VPS33B: variants seen among roughly 807,000 people sequenced by gnomAD.
VPS33B encodes the protein VPS33B late endosome and lysosome associated.
Under a neutral mutation model 95.3 loss-of-function variants are expected in VPS33B, and 80 were observed. The ratio of observed to expected loss-of-function variants is 0.84; its 90% CI spans 0.70 to 1.01. The LOEUF (loss-of-function observed/expected upper bound fraction) is 1.01, where lower values mean the gene tolerates loss of function less well. Ranked by LOEUF, VPS33B falls within the 50% of genes least tolerant of loss-of-function variation. The probability of loss-of-function intolerance (pLI) is 0.00; values close to 1 mark genes in which losing one functional copy is unlikely to be tolerated. For missense variants in VPS33B, 715 were observed against 773.4 expected (o/e 0.92, Z 0.90); for synonymous variants, 280 against 280.4 (o/e 1.00, Z 0.01).
intron 19 of VPS33B, chr15:91,001,138 A>G: frequency 2.4e-6 from 1 of 414,196 alleles, no homozygotes; most frequent in Non-Finnish European, 4.5e-6. Flanking sequence ...CAACATGGGG[A>G]AACCTTGTCT....
rs2040342924 is a variant in VPS33B at position 90,998,692 on chromosome 15, C to T, written c.*283G>A. 2.0e-6 allele frequency: 1 copy of T among 499,806 alleles called. No homozygotes were observed. 31.0% of individuals were successfully genotyped at this position (499,806 alleles called of 1,614,324 possible). A position where few individuals can be genotyped will look rare whatever the true frequency, so the allele number is the denominator to read the frequency against. On this transcript the variant is annotated 3_prime_UTR_variant, in exon 23 of 23. Transcript: ENST00000333371. This position sits in a 1 kb window ranked among gnomAD's most constrained non-coding sequence, Gnocchi z 4.8. ...AACGTATTACATCTGAGAGCAGAGG[C>T]TTTATTTACAATGACATTCAAACAG...
In VPS33B at chr15:91,016,709, C is replaced by T. The variant is rs540443828; in HGVS notation, c.239+254G>A. On this transcript the variant is annotated intron_variant, in intron 3 of 22. Transcript: ENST00000333371. ...GCCTTGCAGGTTCTTGAGAAAAGCA[C>T]GATGAAAATAATTTTGAAAGATTAG... 7.9e-5 allele frequency among the ~76,000 whole-genome samples: 12 copies of T among 151,896 alleles called. No homozygotes were observed. In the East Asian group the frequency reaches 9.7e-4, roughly 12 times the overall value.
Position 91,006,310 on chromosome 15 carries a change from G to C in VPS33B, c.852+62C>G, listed in dbSNP as rs139639261. On this transcript the variant is annotated intron_variant, in intron 11 of 22. Coordinates refer to ENST00000333371, the MANE Select transcript of VPS33B (RefSeq NM_018668.5). The surrounding 1 kb of genome is among the most constrained non-coding windows in gnomAD (Gnocchi z 5.4). ...GCCCACAGCCTGGTATAAGCAGGGG[G>C]CCCACAGCCTGGTATAAGCAGTGGC... is the stretch of plus-strand genomic sequence containing the variant. The C allele has an allele frequency of 3.4e-6, 4 of 1,160,614 alleles. No individual in the cohort carries two copies. The highest frequency in any genetic ancestry group is 4.6e-6 in the Non-Finnish European group (4 of 877,282). The allele number at this position is 1,160,614 out of a possible 1,614,324, so 71.9% of individuals were successfully genotyped here.
In VPS33B at chr15:91,015,927, T is replaced by G. The variant is rs1213607282; in HGVS notation, c.239+1036A>C. 6.6e-6 allele frequency among the ~76,000 whole-genome samples: 1 copy of G among 152,164 alleles called. No homozygotes were observed. Among genetic ancestry groups the G allele is most frequent in the Non-Finnish European group, 1.5e-5 (1 of 68,024 alleles). On this transcript the variant is annotated intron_variant, in intron 3 of 22. Coordinates refer to ENST00000333371, the MANE Select transcript of VPS33B (RefSeq NM_018668.5). The surrounding 1 kb of genome is among the most constrained non-coding windows in gnomAD (Gnocchi z 4.7). ...GGTACATGGATATATTCTCCATGTA[T>G]CCAGGAGAATTTTTTCTTCTAAGAA...
Position 91,002,052 on chromosome 15 carries a change from G to C in VPS33B, c.1403C>G (p.Ala468Gly), listed in dbSNP as rs2040453826. The C allele has an allele frequency of 1.2e-6, 2 of 1,613,762 alleles. No homozygotes were observed. The highest frequency in any genetic ancestry group is 1.7e-4 in the Middle Eastern group (1 of 5,866). Residue 468 changes from alanine to glycine, a missense_variant and splice_region_variant, in exon 18 of 23, where the codon GCA becomes GGA. Coordinates refer to ENST00000333371, the MANE Select transcript of VPS33B (RefSeq NM_018668.5). This position sits in a 1 kb window ranked among gnomAD's most constrained non-coding sequence, Gnocchi z 4.7. ...KVSKLVTDKA[A>G]GKITDAFSSL... ...GGTCACTTGTGCTCCCTGCTTACCTGCAGCCTTGTCGGTCACCAGCTTGCT... is the reference window on the plus strand; with the variant it reads ...GGTCACTTGTGCTCCCTGCTTACCTCCAGCCTTGTCGGTCACCAGCTTGCT...
Position 91,009,285 on chromosome 15 carries a change from A to C in VPS33B, c.403+516T>G, listed in dbSNP as rs1011834012. Among the ~76,000 whole-genome samples, 3 of 129,322 alleles carry C rather than the reference A, an allele frequency of 2.3e-5. No homozygotes were observed. The highest frequency in any genetic ancestry group is 3.6e-5 in the African/African-American group (1 of 27,912). 84.8% of individuals were successfully genotyped at this position (129,322 alleles called of 152,430 possible). A position where few individuals can be genotyped will look rare whatever the true frequency, so the allele number is the denominator to read the frequency against. ...TCTCTCTCTTTCTCTCTTTTCTTTT[A>C]TTTTCTTTCTCTCTCTCTTTCTTTC... On this transcript the variant is annotated intron_variant, in intron 6 of 22. Transcript: ENST00000333371. This position sits in a 1 kb window ranked among gnomAD's most constrained non-coding sequence, Gnocchi z 4.1.
chr15:91,006,169 G>A lies in VPS33B; in HGVS notation c.853-110C>T. 2.9e-6 allele frequency: 4 copies of A among 1,381,140 alleles called. No homozygotes were observed. Among genetic ancestry groups the A allele is most frequent in the South Asian group, 1.2e-5 (1 of 83,706 alleles). The allele number at this position is 1,381,140 out of a possible 1,614,324, so 85.6% of individuals were successfully genotyped here. On this transcript the variant is annotated intron_variant, in intron 11 of 22. Transcript: ENST00000333371. The surrounding 1 kb of genome is among the most constrained non-coding windows in gnomAD (Gnocchi z 5.4). The stretch of plus-strand genomic sequence containing the variant: ...GTGTTCTGGCAGAAATACAAAGAAA[G>A]CTGAGCTGGGATCTGTAAGTCCATA...
In VPS33B at chr15:91,015,660, AAAAAT is replaced by A. The variant is rs947642849; in HGVS notation, c.240-1232_240-1228del. 2.6e-5 allele frequency among the ~76,000 whole-genome samples: 4 copies of A among 152,080 alleles called. No homozygotes were observed. The highest frequency in any genetic ancestry group is 2.1e-4 in the South Asian group (1 of 4,824). ...GTGACAGAGTTAGACTCCTACTCAA[AAAAAT>A]AAAATAAAATAAAACTATAGGCGGA... On this transcript the variant is annotated intron_variant, in intron 3 of 22. Transcript: ENST00000333371. The surrounding 1 kb of genome is among the most constrained non-coding windows in gnomAD (Gnocchi z 4.7).
chr15:91,017,748 C>T, intron 2 of VPS33B, 57 bp downstream of exon 2: 2 of 1,528,634 alleles, frequency 1.3e-6, no homozygotes, highest in Non-Finnish European at 1.8e-6. Context: ...TTGTATTGTT[C>T]ATCAAAAGAA....
In VPS33B at chr15:91,005,483, A is replaced by T; in HGVS notation, c.1031-29T>A. 6.2e-7 allele frequency: 1 copy of T among 1,613,436 alleles called. No individual in the cohort carries two copies. The highest frequency in any genetic ancestry group is 8.5e-7 in the Non-Finnish European group (1 of 1,179,608). ...CAGGTTGGACAAAGGGAGCTGACAT[A>T]CTCCTGGTTCTAGAAAGATGTCCCT... is the stretch of plus-strand genomic sequence containing the variant. On this transcript the variant is annotated intron_variant, in intron 13 of 22. Coordinates refer to ENST00000333371, the MANE Select transcript of VPS33B (RefSeq NM_018668.5). The surrounding 1 kb of genome is among the most constrained non-coding windows in gnomAD (Gnocchi z 6.4).
Position 91,015,902 on chromosome 15 carries a change from G to T in VPS33B, c.239+1061C>A, listed in dbSNP as rs924742381. Reference sequence around the variant, plus strand: ...TAGAAAATATTTTTTTTCAAACTGGGGTACATGGATATATTCTCCATGTAT... The same window carrying T: ...TAGAAAATATTTTTTTTCAAACTGGTGTACATGGATATATTCTCCATGTAT... On this transcript the variant is annotated intron_variant, in intron 3 of 22. Coordinates refer to ENST00000333371, the MANE Select transcript of VPS33B (RefSeq NM_018668.5). This position sits in a 1 kb window ranked among gnomAD's most constrained non-coding sequence, Gnocchi z 4.7. Among the ~76,000 whole-genome samples the T allele has an allele frequency of 6.6e-6, 1 of 151,212 alleles. No individual in the cohort carries two copies. Among genetic ancestry groups the T allele is most frequent in the Non-Finnish European group, 1.5e-5 (1 of 67,788 alleles).
intron 16 of VPS33B, among the ~76,000 whole-genome samples, chr15:91,004,299 A>C (rs1189196019): frequency 2.0e-5 from 3 of 152,164 alleles, no homozygotes; most frequent in African/African-American, 7.2e-5. Context: ...TTCAACAGTA[A>C]AAACAAGTTG....
In VPS33B at chr15:91,010,982, A is replaced by T. The variant is rs902297117; in HGVS notation, c.358-1136T>A. ...GAAGCCTGGCCCTGAAAGAAGGGGGAGCTCTGAAAGGGAAAAGAGATGAAA... is the reference window on the plus strand; with the variant it reads ...GAAGCCTGGCCCTGAAAGAAGGGGGTGCTCTGAAAGGGAAAAGAGATGAAA... On this transcript the variant is annotated intron_variant, in intron 5 of 22. Coordinates refer to ENST00000333371, the MANE Select transcript of VPS33B (RefSeq NM_018668.5). This position sits in a 1 kb window ranked among gnomAD's most constrained non-coding sequence, Gnocchi z 5.7. Among the ~76,000 whole-genome samples, 2 of 152,182 alleles carry T rather than the reference A, an allele frequency of 1.3e-5. No homozygotes were observed. The highest frequency in any genetic ancestry group is 4.8e-5 in the African/African-American group (2 of 41,438).
Position 91,013,801 on chromosome 15 carries a change from C to A in VPS33B, c.357+3G>T. 1 of 1,614,150 alleles carries A rather than the reference C, an allele frequency of 6.2e-7. No individual in the cohort carries two copies. Among genetic ancestry groups the A allele is most frequent in the African/African-American group, 1.3e-5 (1 of 75,044 alleles). ...TCCCACTTCCTCCAGGATCCAAACT[C>A]ACCTTTTGAGGGCTGAAGATCACTT... On this transcript the variant is annotated splice_donor_region_variant and intron_variant, in intron 5 of 22. Transcript: ENST00000333371. This position sits in a 1 kb window ranked among gnomAD's most constrained non-coding sequence, Gnocchi z 4.5.
At position 91,010,928 on chromosome 15, in the gene VPS33B, G is replaced by A. The variant is rs1268691254; in HGVS notation, c.358-1082C>T. 1.3e-5 allele frequency among the ~76,000 whole-genome samples: 2 copies of A among 152,212 alleles called. No individual in the cohort carries two copies. Among genetic ancestry groups the A allele is most frequent in the Non-Finnish European group, 2.9e-5 (2 of 68,046 alleles). ...CGATGAAGGTGGAGATGAGGAAGCA[G>A]AAGCAGTGACAATAGAACATTCTTC... On this transcript the variant is annotated intron_variant, in intron 5 of 22. Coordinates refer to ENST00000333371, the MANE Select transcript of VPS33B (RefSeq NM_018668.5). The surrounding 1 kb of genome is among the most constrained non-coding windows in gnomAD (Gnocchi z 5.7).
At position 91,005,644 on chromosome 15, in the gene VPS33B, C is replaced by T; in HGVS notation, c.1030+50G>A. 1 of 1,601,756 alleles carries T rather than the reference C, an allele frequency of 6.2e-7. No individual in the cohort carries two copies. The highest frequency in any genetic ancestry group is 8.6e-7 in the Non-Finnish European group (1 of 1,168,760). On this transcript the variant is annotated intron_variant, in intron 13 of 22. Coordinates refer to ENST00000333371, the MANE Select transcript of VPS33B (RefSeq NM_018668.5). This position sits in a 1 kb window ranked among gnomAD's most constrained non-coding sequence, Gnocchi z 6.4. ...GGAGTAATGGTCCTCTGGAGCTTTC[C>T]CCAGAGGGACACAGTCACTTCCCCT... is the stretch of plus-strand genomic sequence containing the variant.
chr15:91,017,387 TATATATATATATA>T (rs2040968193), intron 2 of VPS33B, among the ~76,000 whole-genome samples: 1 of 51,600 alleles, frequency 1.9e-5, no homozygotes, highest in Non-Finnish European at 3.2e-5. Context: ...TATATATATA[TATATATATATATA>T]TATATATATA....
intron 2 of VPS33B, among the ~76,000 whole-genome samples, chr15:91,017,492 A>T (rs2151684164): frequency 6.7e-6 from 1 of 149,314 alleles, no homozygotes; most frequent in South Asian, 2.1e-4. Flanking sequence ...GTGTGGTGGC[A>T]CATGCCTGTG....
Position 91,007,557 on chromosome 15 carries a change from C to T in VPS33B, c.515G>A (p.Trp172Ter). Residue 172 changes from tryptophan (W) to a stop codon, truncating the protein, a stop_gained, in exon 8 of 23, where the codon TGG becomes TAG. Coordinates refer to ENST00000333371, the MANE Select transcript of VPS33B (RefSeq NM_018668.5). LOFTEE classifies it high-confidence loss of function. This position sits in a 1 kb window ranked among gnomAD's most constrained non-coding sequence, Gnocchi z 5.3. ...TAAGGCCTGAGCTACAGTGTTGATC[C>T]AACGCTGATCTCCTTCCTGCAGGGA... ...RDYFLEGDQRWINTVAQALHL... is the reference protein window; with the variant it reads ...RDYFLEGDQR 3.1e-6 allele frequency: 5 copies of T among 1,614,062 alleles called. No individual in the cohort carries two copies. Among genetic ancestry groups the T allele is most frequent in the Non-Finnish European group, 4.2e-6 (5 of 1,180,006 alleles).
Sources: allele counts gnomAD v4.1 joint callset (sites outside exome capture counted in the v4.1 genomes callset), GRCh38; gene constraint gnomAD v4.1.1; non-coding constraint Gnocchi (gnomAD v3.1); transcripts MANE v1.5; gene names NCBI Gene and HGNC (gene_info 2026-07-23, HGNC 2026-07-21).